NKAIN2: variants seen among roughly 807,000 people sequenced by gnomAD.
NKAIN2 encodes sodium/potassium-transporting ATPase subunit beta-1-interacting protein 2.
A neutral mutation model predicts 32.6 loss-of-function variants in NKAIN2; 14 were observed. The observed-to-expected ratio is 0.43, with a 90% CI of 0.28 to 0.67. The LOEUF is 0.67. Ranked by LOEUF, NKAIN2 falls within the 30% of genes least tolerant of loss-of-function variation. The pLI, the probability that NKAIN2 is intolerant of heterozygous loss-of-function variation, is 0.17. For missense variants in NKAIN2, 198 were observed against 258.3 expected (o/e 0.77, Z 1.60); for synonymous variants, 80 against 87.2 (o/e 0.92, Z 0.46).
chr6:123,912,835 C>A (rs755196267), intron 1 of NKAIN2, among the ~76,000 whole-genome samples: 1 of 152,180 alleles, frequency 6.6e-6, no homozygotes, highest in Non-Finnish European at 1.5e-5. Flanking sequence ...AGCAATATAA[C>A]TGATTGAGAC....
At chr6:124,552,295 A>T (rs147275432) in intron 3 of NKAIN2, among the ~76,000 whole-genome samples, 1 of 152,354 alleles carries the variant, frequency 6.6e-6, no homozygotes, top group South Asian at 2.1e-4. Context: ...CAGGGATAGA[A>T]GATGGCTTGC....
intron 3 of NKAIN2, among the ~76,000 whole-genome samples, chr6:124,371,471 A>G (rs1201985163): frequency 1.3e-5 from 2 of 151,962 alleles, no homozygotes; most frequent in African/African-American, 2.4e-5. Context: ...AGGTGGGAGG[A>G]TCATGAGGTC....
intron 4 of NKAIN2, among the ~76,000 whole-genome samples, chr6:124,705,702 G>GT (rs554880829): frequency 6.6e-6 from 1 of 152,048 alleles, no homozygotes; most frequent in African/African-American, 2.4e-5. Flanking sequence ...AAGGGAACGA[G>GT]TTTTTTTGTA....
intron 3 of NKAIN2, among the ~76,000 whole-genome samples, chr6:124,546,776 T>A (rs2114857188): frequency 6.6e-6 from 1 of 152,250 alleles, no homozygotes; most frequent in African/African-American, 2.4e-5. Context: ...AACTGGGTTT[T>A]AGAGAAGTAA....
intron 3 of NKAIN2, among the ~76,000 whole-genome samples, chr6:124,408,137 T>G (rs1255879034): frequency 4.5e-4 from 68 of 152,202 alleles, no homozygotes; most frequent in African/African-American, 6.5e-4. Flanking sequence ...TTTCTCCCAT[T>G]CTGTAGGTTG....
intron 2 of NKAIN2, among the ~76,000 whole-genome samples, chr6:124,314,891 A>T (rs529203591): frequency 3.5e-4 from 54 of 152,288 alleles, no homozygotes; most frequent in South Asian, 1.9e-3. Flanking sequence ...GTTTGAACAT[A>T]CGTTAACCAA....
chr6:123,991,685 A>G (rs1005428523), intron 1 of NKAIN2, among the ~76,000 whole-genome samples: 1 of 152,050 alleles, frequency 6.6e-6, no homozygotes, highest in Non-Finnish European at 1.5e-5. Flanking sequence ...ACACGGTGAA[A>G]CCACATCTCA....
chr6:124,289,509 C>T (rs947833286), intron 2 of NKAIN2, among the ~76,000 whole-genome samples: 1 of 152,082 alleles, frequency 6.6e-6, no homozygotes, highest in African/African-American at 2.4e-5. Flanking sequence ...AAAAAGATTA[C>T]GACACAGCAA....
chr6:124,052,679 G>C (rs965636549), intron 1 of NKAIN2, among the ~76,000 whole-genome samples: 1 of 151,992 alleles, frequency 6.6e-6, no homozygotes, highest in Non-Finnish European at 1.5e-5. Flanking sequence ...GAACTATGGG[G>C]GATGGCAGAA....
intron 1 of NKAIN2, among the ~76,000 whole-genome samples, chr6:123,910,546 C>T (rs1171550645): frequency 7.3e-6 from 1 of 136,616 alleles, no homozygotes; most frequent in African/African-American, 3.0e-5. Context: ...GCTCTTTCAC[C>T]AGGCTGGAGT....
intron 3 of NKAIN2, among the ~76,000 whole-genome samples, chr6:124,508,854 T>C (rs1208685435): frequency 6.6e-6 from 1 of 152,170 alleles, no homozygotes; most frequent in African/African-American, 2.4e-5. Context: ...CATGACCATC[T>C]TCTCTCTGTG....
Position 124,293,131 on chromosome 6 carries a change from T to C in NKAIN2, c.192+9989T>C, listed in dbSNP as rs78257810. ...CTATTAGTATTCAGTAAATGGTCTT[T>C]ACTATATTTAAGTAGTTTCCTTCAA... On this transcript the variant is annotated intron_variant, in intron 2 of 6. Transcript: ENST00000368417. 9.3e-3 allele frequency among the ~76,000 whole-genome samples: 1,417 copies of C among 152,212 alleles called. 57 individuals are homozygous for C. Among genetic ancestry groups the C allele is most frequent in the Admixed American group, 0.067 (1,015 of 15,252 alleles).
intron 3 of NKAIN2, among the ~76,000 whole-genome samples, chr6:124,551,390 G>T (rs1780281121): frequency 6.6e-6 from 1 of 152,148 alleles, no homozygotes; most frequent in Admixed American, 6.5e-5. Context: ...CCACACCAGT[G>T]GTGTTGCCAT....
chr6:124,233,273 A>T (rs1323194175), intron 1 of NKAIN2, among the ~76,000 whole-genome samples: 5 of 151,824 alleles, frequency 3.3e-5, no homozygotes, highest in Non-Finnish European at 7.4e-5. Context: ...TTACTTCTTG[A>T]TAATTCTTTA....
rs560910052 is a variant in NKAIN2, at chr6:124,701,409, A to T, written c.474+43023A>T. On this transcript the variant is annotated intron_variant, in intron 4 of 6. Coordinates refer to ENST00000368417, the MANE Select transcript of NKAIN2 (RefSeq NM_001040214.3). ...TGAGTTTTATACATAATGTTGAAAA[A>T]TATACTCAGAAGAGTATTAAGTATG... Among the ~76,000 whole-genome samples the T allele has an allele frequency of 7.9e-5, 12 of 152,206 alleles. No homozygotes were observed. In the South Asian group the frequency reaches 2.5e-3, roughly 32 times the overall value.
At position 123,965,066 on chromosome 6, in the gene NKAIN2, C is replaced by T. The variant is rs9491022; in HGVS notation, c.54+160812C>T. 9.5e-3 allele frequency among the ~76,000 whole-genome samples: 1,450 copies of T among 152,218 alleles called. 21 individuals are homozygous for T. Among genetic ancestry groups the T allele is most frequent in the African/African-American group, 0.032 (1,343 of 41,538 alleles). On this transcript the variant is annotated intron_variant, in intron 1 of 6. Transcript: ENST00000368417. ...CCCAGAATGTCTGTGTCTTTAGCTT[C>T]CATTTCATTCAGTGTTCAGAATGTC...
intron 3 of NKAIN2, among the ~76,000 whole-genome samples, chr6:124,460,890 A>G (rs966386009): frequency 6.6e-6 from 1 of 151,556 alleles, no homozygotes; most frequent in African/African-American, 2.4e-5. Flanking sequence ...TGTTTAACTT[A>G]ACCACACTTA....
intron 1 of NKAIN2, among the ~76,000 whole-genome samples, chr6:124,259,075 G>C (rs919243823): frequency 1.3e-5 from 2 of 152,040 alleles, no homozygotes; most frequent in African/African-American, 4.8e-5. Context: ...ACTGAGGAGG[G>C]GTTTACCTCA....
intron 1 of NKAIN2, among the ~76,000 whole-genome samples, chr6:124,236,791 A>G (rs984684699): frequency 1.3e-5 from 2 of 152,070 alleles, no homozygotes; most frequent in Non-Finnish European, 2.9e-5. Context: ...TTTGAACACT[A>G]GGGAGAAGAA....
Sources: allele counts gnomAD v4.1 joint callset (sites outside exome capture counted in the v4.1 genomes callset), GRCh38; gene constraint gnomAD v4.1.1; transcripts MANE v1.5; gene names NCBI Gene and HGNC (gene_info 2026-07-23, HGNC 2026-07-21).